Variants in SPECC1 observed in about 807,000 individuals in gnomAD.
The protein encoded by SPECC1 is cytospin-B.
Under a neutral mutation model 104.1 loss-of-function variants are expected in SPECC1, and 62 were observed. That is an observed-to-expected ratio of 0.60 (90% CI 0.49 to 0.74). SPECC1 has a LOEUF of 0.74. SPECC1 is among the 30% of genes least tolerant of loss of function. SPECC1 has a pLI of 0.00. For missense variants in SPECC1, 1,306 were observed against 1,310.5 expected, an observed-to-expected ratio of 1.00 and a Z score of 0.05; for synonymous variants, 513 against 501.6, an observed-to-expected ratio of 1.02 and a Z score of -0.30.
At chr17:20,237,316 T>G (rs1458760597) in intron 7 of SPECC1, 30 of 69,158 alleles carry the variant, frequency 4.3e-4, no homozygotes, top group Non-Finnish European at 4.7e-4. Flanking sequence ...TTTTGTTTTG[T>G]TTTTTTTTTT....
chr17:20,199,115 C>T (rs56321982), intron 3 of SPECC1, among the ~76,000 whole-genome samples: 1 of 103,916 alleles, frequency 9.6e-6, no homozygotes, highest in East Asian at 3.4e-4. Context: ...GAAACAGAGT[C>T]TTACTCTGTT....
At chr17:20,134,373 C>T (rs2049815668) in intron 3 of SPECC1, among the ~76,000 whole-genome samples, 1 of 151,762 alleles carries the variant, frequency 6.6e-6, no homozygotes, top group Admixed American at 6.6e-5. Flanking sequence ...TCCCCACCCT[C>T]CAGCCTCACT....
chr17:20,264,954 A>G (rs923100312), intron 12 of SPECC1, among the ~76,000 whole-genome samples: 5 of 152,180 alleles, frequency 3.3e-5, no homozygotes, highest in African/African-American at 1.2e-4. Flanking sequence ...TTATATGGAC[A>G]TGATTTTTGT....
intron 1 of SPECC1, among the ~76,000 whole-genome samples, chr17:20,077,478 T>G (rs1315177531): frequency 2.0e-5 from 3 of 152,116 alleles, no homozygotes; most frequent in Admixed American, 6.6e-5. Context: ...TTTGTTTTTT[T>G]GTTTTTGAGA....
intron 9 of SPECC1, among the ~76,000 whole-genome samples, chr17:20,251,708 G>C (rs556259222): frequency 3.3e-5 from 5 of 152,300 alleles, no homozygotes; most frequent in African/African-American, 1.2e-4. Context: ...TAGAGAATCA[G>C]TAAAATAAAT....
chr17:20,313,563 C>T (rs959025115), intron 14 of SPECC1, among the ~76,000 whole-genome samples: 2 of 152,158 alleles, frequency 1.3e-5, no homozygotes, highest in Non-Finnish European at 2.9e-5. Context: ...GTGAAATGCT[C>T]AGCCCACGTA....
At chr17:20,140,578 G>T (rs1468327607) in intron 3 of SPECC1, among the ~76,000 whole-genome samples, 1 of 152,154 alleles carries the variant, frequency 6.6e-6, no homozygotes, top group East Asian at 1.9e-4. Flanking sequence ...AGCATAAATA[G>T]GTTTGGGAAC....
chr17:20,128,786 A>G lies in SPECC1; in HGVS notation c.283+18224A>G, dbSNP rs1418550928. On this transcript the variant is annotated intron_variant, in intron 3 of 14. Coordinates refer to ENST00000395527, the MANE Select transcript of SPECC1 (RefSeq NM_001243439.2). ...AATTTGTAATTCTTCTCAAAGGTTA[A>G]AAAAATTAATGATATTCAAATATAA... Among the ~76,000 whole-genome samples, 3 of 152,140 alleles carry G rather than the reference A, an allele frequency of 2.0e-5. No individual in the cohort carries two copies. The East Asian group carries it at 5.8e-4, about 29-fold the overall frequency.
At chr17:20,216,779 G>A (rs960361010) in intron 4 of SPECC1, among the ~76,000 whole-genome samples, 5 of 152,118 alleles carry the variant, frequency 3.3e-5, no homozygotes, top group Non-Finnish European at 7.4e-5. Context: ...ATGCATGAGA[G>A]TGATTCCTTT....
intron 1 of SPECC1, among the ~76,000 whole-genome samples, chr17:20,074,524 G>A (rs1054462577): frequency 6.6e-6 from 1 of 152,034 alleles, no homozygotes; most frequent in African/African-American, 2.4e-5. Context: ...TTTCCTATAG[G>A]TATAAAATGT....
chr17:20,091,821 G>A (rs2047414955), intron 1 of SPECC1, among the ~76,000 whole-genome samples: 1 of 152,096 alleles, frequency 6.6e-6, no homozygotes, highest in Admixed American at 6.6e-5. Context: ...TCCCACTCCT[G>A]GAGACTCGTC....
At chr17:20,137,959 C>G (rs1477690511) in intron 3 of SPECC1, among the ~76,000 whole-genome samples, 2 of 151,862 alleles carry the variant, frequency 1.3e-5, no homozygotes, top group Non-Finnish European at 2.9e-5. Context: ...GCCACCGTAC[C>G]CAGCCCTTTA....
intron 1 of SPECC1, among the ~76,000 whole-genome samples, chr17:20,051,144 C>G (rs1235008173): frequency 7.1e-6 from 1 of 141,106 alleles, no homozygotes; most frequent in Admixed American, 7.3e-5. Flanking sequence ...TTCTTTCCTT[C>G]TTTCCTTCTT....
intron 4 of SPECC1, among the ~76,000 whole-genome samples, chr17:20,221,982 ATGG>A (rs993312666): frequency 1.2e-4 from 17 of 147,006 alleles, no homozygotes; most frequent in African/African-American, 4.0e-4. Flanking sequence ...GTTTTATTCC[ATGG>A]TGGTCAGAGA....
intron 11 of SPECC1, among the ~76,000 whole-genome samples, chr17:20,259,925 A>G (rs913715914): frequency 1.3e-5 from 2 of 152,208 alleles, no homozygotes; most frequent in Non-Finnish European, 2.9e-5. Flanking sequence ...CAAATGAAAG[A>G]CTAGATGGAT....
chr17:20,105,897 C>G (rs1055475139), intron 2 of SPECC1, among the ~76,000 whole-genome samples: 1 of 152,146 alleles, frequency 6.6e-6, no homozygotes, highest in Non-Finnish European at 1.5e-5. Flanking sequence ...GGTGGGATCT[C>G]CGAGGGGGTT....
chr17:20,149,450 A>G (rs892539571), intron 3 of SPECC1, among the ~76,000 whole-genome samples: 1 of 152,146 alleles, frequency 6.6e-6, no homozygotes, highest in African/African-American at 2.4e-5. Context: ...CCAGGAGCCT[A>G]TGTGATCGCC....
chr17:20,201,460 A>G (rs1009929797), intron 3 of SPECC1, among the ~76,000 whole-genome samples: 5 of 152,180 alleles, frequency 3.3e-5, no homozygotes, highest in Non-Finnish European at 5.9e-5. Context: ...CAGCCTGGGC[A>G]ACAAGAGCAA....
chr17:20,236,219 C>T (rs905637092), intron 7 of SPECC1, among the ~76,000 whole-genome samples: 5 of 152,248 alleles, frequency 3.3e-5, no homozygotes, highest in Middle Eastern at 3.4e-3. Context: ...GCACCCATGA[C>T]GGCATGATGG....
Sources: allele counts gnomAD v4.1 joint callset (sites outside exome capture counted in the v4.1 genomes callset), GRCh38; gene constraint gnomAD v4.1.1; transcripts MANE v1.5; gene names NCBI Gene and HGNC (gene_info 2026-07-23, HGNC 2026-07-21).